The following PNPLA8 variants were observed in gnomAD, a reference collection of about 807,000 sequenced individuals.
PNPLA8 encodes patatin like domain 8, phospholipase A2.
PNPLA8 carries 39 observed loss-of-function variants against 76.9 expected under a neutral mutation model. That is an observed-to-expected ratio of 0.51 (90% CI 0.39 to 0.66). The LOEUF (loss-of-function observed/expected upper bound fraction) is 0.66, where lower values mean the gene tolerates loss of function less well. Ranked by LOEUF, PNPLA8 falls within the 30% of genes least tolerant of loss-of-function variation. The pLI is 0.00. For missense variants in PNPLA8, 887 were observed against 918.0 expected (o/e 0.97, Z 0.44); for synonymous variants, 301 against 307.9 (o/e 0.98, Z 0.24).
At chr7:108,526,651 A>G (rs895782491), upstream of PNPLA8, among the ~76,000 whole-genome samples, 1 of 152,110 alleles carries the variant, frequency 6.6e-6, no homozygotes, top group Non-Finnish European at 1.5e-5. Flanking sequence ...CTCTATATCC[A>G]TTCCTGGGCA....
At chr7:108,473,959 T>G (rs1191694998) in intron 10 of PNPLA8, among the ~76,000 whole-genome samples, 1 of 152,184 alleles carries the variant, frequency 6.6e-6, no homozygotes, top group African/African-American at 2.4e-5. Flanking sequence ...CCCAAAGTGC[T>G]GGGATTACAG....
At chr7:108,506,184 C>A (rs1210190605) in intron 4 of PNPLA8, among the ~76,000 whole-genome samples, 1 of 152,086 alleles carries the variant, frequency 6.6e-6, no homozygotes, top group East Asian at 1.9e-4. Flanking sequence ...TGGAGACCAG[C>A]CTGACCAACA....
At chr7:108,476,822 C>T (rs1860029021) in intron 10 of PNPLA8, among the ~76,000 whole-genome samples, 1 of 152,122 alleles carries the variant, frequency 6.6e-6, no homozygotes, top group South Asian at 2.1e-4. Context: ...AGAAGGAAAT[C>T]CTGCCACTTG....
intron 4 of PNPLA8, among the ~76,000 whole-genome samples, chr7:108,506,432 A>C (rs1193997908): frequency 6.6e-6 from 1 of 150,836 alleles, no homozygotes; most frequent in East Asian, 1.9e-4. Context: ...CAGAGGCCTC[A>C]TAGAATTCTG....
At chr7:108,516,601 C>T (rs1047177422) in intron 2 of PNPLA8, among the ~76,000 whole-genome samples, 1 of 152,134 alleles carries the variant, frequency 6.6e-6, no homozygotes, top group Admixed American at 6.5e-5. Flanking sequence ...AGGTAGACTT[C>T]ATTAATATTA....
At chr7:108,494,380 T>C (rs1364112639) in intron 7 of PNPLA8, among the ~76,000 whole-genome samples, 1 of 152,188 alleles carries the variant, frequency 6.6e-6, no homozygotes, top group East Asian at 1.9e-4. Context: ...TCCTGTCTAA[T>C]GGTCCCCAGC....
chr7:108,490,503 GC>G (rs1487277956), intron 8 of PNPLA8, among the ~76,000 whole-genome samples: 1 of 152,228 alleles, frequency 6.6e-6, no homozygotes, highest in East Asian at 1.9e-4. Flanking sequence ...GGGTAAGAAG[GC>G]TGGGCGCGGT....
At chr7:108,474,239 C>T (rs1859821239) in intron 10 of PNPLA8, among the ~76,000 whole-genome samples, 1 of 151,968 alleles carries the variant, frequency 6.6e-6, no homozygotes, top group Admixed American at 6.6e-5. Flanking sequence ...AATCTTTACC[C>T]AAGGTCATTA....
chr7:108,518,865 T>A (rs1265463246), intron 2 of PNPLA8, among the ~76,000 whole-genome samples: 1 of 151,536 alleles, frequency 6.6e-6, no homozygotes, highest in Non-Finnish European at 1.5e-5. Context: ...TCTGAAAGGA[T>A]AAGCACCTGT....
intron 4 of PNPLA8, among the ~76,000 whole-genome samples, chr7:108,507,736 G>A (rs1862564083): frequency 6.6e-6 from 1 of 152,012 alleles, no homozygotes; most frequent in African/African-American, 2.4e-5. Flanking sequence ...AATCACTGAG[G>A]CAGCTATTAA....
intron 10 of PNPLA8, among the ~76,000 whole-genome samples, chr7:108,474,176 A>T (rs1319646278): frequency 6.6e-6 from 1 of 152,152 alleles, no homozygotes; most frequent in African/African-American, 2.4e-5. Context: ...TTGAAGTCTA[A>T]TTTATCTCTT....
At chr7:108,513,624 C>T (rs905443889) in intron 4 of PNPLA8, among the ~76,000 whole-genome samples, 11 of 152,020 alleles carry the variant, frequency 7.2e-5, no homozygotes, top group African/African-American at 2.4e-4. Context: ...GAAAACAGTC[C>T]ATTTAAGTGG....
intron 2 of PNPLA8, chr7:108,518,409 T>C (rs377369457): frequency 4.6e-5 from 7 of 152,148 alleles, no homozygotes; most frequent in African/African-American, 1.7e-4. Context: ...ATCCTCTGTA[T>C]AGTATCATAA....
In PNPLA8 at chr7:108,498,295, C is replaced by T. The variant is rs146781028; in HGVS notation, c.1359-718G>A. Among the ~76,000 whole-genome samples, 965 of 151,428 alleles carry T rather than the reference C, an allele frequency of 6.4e-3. 14 individuals carry two copies. The highest frequency in any genetic ancestry group is 0.022 in the African/African-American group (923 of 41,274). ...CAGATTTTTTTTTTTGAGATGGAGT[C>T]TCACTCTGTTGCCCAGGCTGGAGTG... On this transcript the variant is annotated intron_variant, in intron 5 of 10. Coordinates refer to ENST00000257694, the MANE Select transcript of PNPLA8 (RefSeq NM_001256007.3).
chr7:108,507,403 T>A (rs1421335742), intron 4 of PNPLA8, among the ~76,000 whole-genome samples: 1 of 140,634 alleles, frequency 7.1e-6, no homozygotes, highest in African/African-American at 2.6e-5. Flanking sequence ...ACCTATAATC[T>A]CAGTACTTTG....
intron 5 of PNPLA8, among the ~76,000 whole-genome samples, chr7:108,501,829 A>G (rs1478336176): frequency 6.6e-6 from 1 of 152,164 alleles, no homozygotes; most frequent in Non-Finnish European, 1.5e-5. Context: ...GTCTCCAAAA[A>G]AATAAAATAA....
At chr7:108,502,675 T>C (rs766319738) in intron 4 of PNPLA8, 33 bp from the exon 5 acceptor site, 4 of 1,549,274 alleles carry the variant, frequency 2.6e-6, no homozygotes, top group Admixed American at 1.7e-5. Context: ...TTGTTGCTTT[T>C]GTCAAATCAA....
In PNPLA8 at chr7:108,515,404, A is replaced by C. The variant is rs1863263347; in HGVS notation, c.88T>G (p.Tyr30Asp). Residue 30 changes from tyrosine (Y) to aspartate (D), a missense_variant, in exon 3 of 11, where the codon TAT becomes GAT. Tyr to Asp is a radical substitution (Grantham distance 160). Transcript: ENST00000257694. ...VCGKQRSKQLYFLFSPKHYWR... is the reference protein window; with the variant it reads ...VCGKQRSKQLDFLFSPKHYWR... The stretch of plus-strand genomic sequence containing the variant: ...TAATGCTTAGGTGAGAACAAGAAAT[A>C]CAGTTGCTTGCTTCTCTGCTTCCCA... 3.7e-6 allele frequency: 6 copies of C among 1,611,838 alleles called. No individual in the cohort carries two copies. The highest frequency in any genetic ancestry group is 2.5e-6 in the Non-Finnish European group (3 of 1,179,036).
At chr7:108,499,640 G>T (rs1264498700) in intron 5 of PNPLA8, among the ~76,000 whole-genome samples, 2 of 152,128 alleles carry the variant, frequency 1.3e-5, no homozygotes, top group African/African-American at 4.8e-5. Flanking sequence ...GATGCAAGTG[G>T]CAGTGCTCTA....
Sources: allele counts gnomAD v4.1 joint callset (sites outside exome capture counted in the v4.1 genomes callset), GRCh38; gene constraint gnomAD v4.1.1; transcripts MANE v1.5; gene names NCBI Gene and HGNC (gene_info 2026-07-23, HGNC 2026-07-21).